ST6GALNAC3: variants seen among roughly 807,000 people sequenced by gnomAD.
ST6GALNAC3 encodes the protein alpha-N-acetylgalactosaminide alpha-2,6-sialyltransferase 3.
A neutral mutation model predicts 32.7 loss-of-function variants in ST6GALNAC3; 25 were observed. That is an observed-to-expected ratio of 0.76 (90% confidence interval 0.56 to 1.07). The LOEUF is 1.07. ST6GALNAC3 is among the 50% of genes least tolerant of loss of function. The pLI is 0.00. For missense variants in ST6GALNAC3, 355 were observed against 382.4 expected, an observed-to-expected ratio of 0.93 and a Z score of 0.60; for synonymous variants, 129 against 133.1, an observed-to-expected ratio of 0.97 and a Z score of 0.21.
chr1:76,516,896 A>G (rs950603315), intron 3 of ST6GALNAC3, among the ~76,000 whole-genome samples: 2 of 151,950 alleles, frequency 1.3e-5, no homozygotes, highest in African/African-American at 4.8e-5. Context: ...CCTCCTAGTT[A>G]TCTTTTAACT....
intron 1 of ST6GALNAC3, among the ~76,000 whole-genome samples, chr1:76,153,440 G>A (rs933036467): frequency 2.0e-5 from 3 of 152,090 alleles, no homozygotes; most frequent in African/African-American, 7.2e-5. Context: ...ATGTCTCACC[G>A]CCAGAGAGCT....
At chr1:76,386,240 C>T (rs1437262994) in intron 2 of ST6GALNAC3, among the ~76,000 whole-genome samples, 2 of 152,030 alleles carry the variant, frequency 1.3e-5, no homozygotes, top group South Asian at 2.1e-4. Context: ...AGTGGCTTAA[C>T]TTGTAAGGCT....
chr1:76,443,296 G>A (rs1656744221), intron 3 of ST6GALNAC3, among the ~76,000 whole-genome samples: 1 of 152,156 alleles, frequency 6.6e-6, no homozygotes, highest in South Asian at 2.1e-4. Flanking sequence ...TGGGACTATA[G>A]GCATGAGCCA....
At chr1:76,572,177 AT>A (rs1427144197) in intron 3 of ST6GALNAC3, among the ~76,000 whole-genome samples, 1 of 151,736 alleles carries the variant, frequency 6.6e-6, no homozygotes, top group African/African-American at 2.4e-5. Context: ...TTGGCTTTAT[AT>A]TCTTTACATG....
chr1:76,185,809 A>T (rs1653517951), intron 1 of ST6GALNAC3, among the ~76,000 whole-genome samples: 1 of 152,212 alleles, frequency 6.6e-6, no homozygotes, highest in South Asian at 2.1e-4. Context: ...TTGGATCGAA[A>T]GTACTCAGGG....
chr1:76,233,648 C>G (rs1432095394), intron 1 of ST6GALNAC3, among the ~76,000 whole-genome samples: 1 of 152,196 alleles, frequency 6.6e-6, no homozygotes. Context: ...GTAGCATCCT[C>G]ATTGCTAAGA....
At position 76,509,656 on chromosome 1, in the gene ST6GALNAC3, A is replaced by G. The variant is rs924428808; in HGVS notation, c.623+97239A>G. Among the ~76,000 whole-genome samples the G allele has an allele frequency of 6.6e-6, 1 of 152,202 alleles. No homozygotes were observed. The highest frequency in any genetic ancestry group is 2.4e-5 in the African/African-American group (1 of 41,466). On this transcript the variant is annotated intron_variant, in intron 3 of 4. Coordinates refer to ENST00000328299, the MANE Select transcript of ST6GALNAC3 (RefSeq NM_152996.4). This position sits in a 1 kb window ranked among gnomAD's most constrained non-coding sequence, Gnocchi z 5.5. Reference sequence around the variant, plus strand: ...TACAGTTCGAAGTTAGAAGTCTAAAATGGGTTGTTAGGGCTGCATTCCTTC... The same window carrying G: ...TACAGTTCGAAGTTAGAAGTCTAAAGTGGGTTGTTAGGGCTGCATTCCTTC...
chr1:76,083,627 A>G (rs1405135134), intron 1 of ST6GALNAC3, among the ~76,000 whole-genome samples: 1 of 152,236 alleles, frequency 6.6e-6, no homozygotes. Flanking sequence ...TTTTTATGCA[A>G]TTGTACATTT....
At chr1:76,203,524 A>ATTAAT (rs71676064) in intron 1 of ST6GALNAC3, among the ~76,000 whole-genome samples, 2 of 11,948 alleles carry the variant, frequency 1.7e-4, no homozygotes, top group East Asian at 0.062. Context: ...TGACTTGTGT[A>ATTAAT]TTTTTTTTGG....
intron 1 of ST6GALNAC3, among the ~76,000 whole-genome samples, chr1:76,219,640 C>A (rs750529596): frequency 6.6e-6 from 1 of 152,162 alleles, no homozygotes; most frequent in Non-Finnish European, 1.5e-5. Context: ...AGGGTTTTGG[C>A]CATACATCAC....
intron 1 of ST6GALNAC3, 41 bp from the exon 2 acceptor site, chr1:76,313,764 A>C (rs1450154824): frequency 1.2e-6 from 2 of 1,605,932 alleles, no homozygotes; most frequent in Admixed American, 3.4e-5. Flanking sequence ...CTTTGGTTGA[A>C]AGTCATTCGT....
At chr1:76,510,494 G>A (rs540000482) in intron 3 of ST6GALNAC3, among the ~76,000 whole-genome samples, 23 of 152,208 alleles carry the variant, frequency 1.5e-4, no homozygotes, top group Admixed American at 7.2e-4. Context: ...CCAGAGAGAC[G>A]GAACCTAGAA....
chr1:76,183,507 A>T (rs1653325515), intron 1 of ST6GALNAC3, among the ~76,000 whole-genome samples: 1 of 152,106 alleles, frequency 6.6e-6, no homozygotes, highest in Admixed American at 6.6e-5. Flanking sequence ...GAGTATATAT[A>T]CATATACAGT....
chr1:76,158,842 A>G (rs748886895), intron 1 of ST6GALNAC3, among the ~76,000 whole-genome samples: 51 of 152,178 alleles, frequency 3.4e-4, no homozygotes, highest in South Asian at 4.1e-4. Flanking sequence ...CTGTGTGCTT[A>G]TCTCCTTGAC....
chr1:76,570,537 A>G (rs1665800026), intron 3 of ST6GALNAC3, among the ~76,000 whole-genome samples: 1 of 152,208 alleles, frequency 6.6e-6, no homozygotes, highest in Non-Finnish European at 1.5e-5. Context: ...ACTTAAAAGA[A>G]GTATGTACCT....
chr1:76,197,689 G>T (rs1654283276), intron 1 of ST6GALNAC3, among the ~76,000 whole-genome samples: 1 of 151,838 alleles, frequency 6.6e-6, no homozygotes, highest in South Asian at 2.1e-4. Context: ...CTGAGTGTAG[G>T]TCAAGATGGG....
chr1:76,540,584 T>C (rs564934693), intron 3 of ST6GALNAC3, among the ~76,000 whole-genome samples: 1 of 152,316 alleles, frequency 6.6e-6, no homozygotes, highest in South Asian at 2.1e-4. Context: ...TATATTCTAA[T>C]AATGTTATTC....
intron 1 of ST6GALNAC3, among the ~76,000 whole-genome samples, chr1:76,289,582 G>A (rs1244441134): frequency 6.6e-6 from 1 of 152,176 alleles, no homozygotes; most frequent in East Asian, 1.9e-4. Context: ...GGCTTCTTGT[G>A]GGGCTGAGGG....
At chr1:76,225,630 C>G (rs1035271046) in intron 1 of ST6GALNAC3, among the ~76,000 whole-genome samples, 5 of 152,110 alleles carry the variant, frequency 3.3e-5, no homozygotes, top group African/African-American at 1.2e-4. Flanking sequence ...TTTAGAGAGC[C>G]TAGGTAATGT....
Sources: allele counts gnomAD v4.1 joint callset (sites outside exome capture counted in the v4.1 genomes callset), GRCh38; gene constraint gnomAD v4.1.1; non-coding constraint Gnocchi (gnomAD v3.1); transcripts MANE v1.5; gene names NCBI Gene and HGNC (gene_info 2026-07-23, HGNC 2026-07-21).